NBL1: variants seen among roughly 807,000 people sequenced by gnomAD.
NBL1 encodes the protein neuroblastoma suppressor of tumorigenicity 1.
NBL1 carries 9 observed loss-of-function variants against 16.0 expected under a neutral mutation model. The observed-to-expected ratio is 0.56, with a 90% CI of 0.34 to 0.98. The LOEUF (loss-of-function observed/expected upper bound fraction) is 0.98. Ranked by LOEUF, NBL1 falls within the 50% of genes least tolerant of loss-of-function variation. The pLI, the probability that NBL1 is intolerant of heterozygous loss-of-function variation, is 0.02. For synonymous variants in NBL1, 86 were observed against 100.7 expected (o/e 0.85, Z 0.87); for missense variants, 196 against 243.1 (o/e 0.81, Z 1.29).
At chr1:19,646,404 A>G (rs778512381) in intron 1 of NBL1, among the ~76,000 whole-genome samples, 1 of 152,172 alleles carries the variant, frequency 6.6e-6, no homozygotes, top group Non-Finnish European at 1.5e-5. Context: ...CAGAAAGCCA[A>G]TGTATGAGCT....
intron 1 of NBL1, among the ~76,000 whole-genome samples, chr1:19,648,196 GAAGT>G (rs915524032): frequency 4.5e-4 from 69 of 152,126 alleles, no homozygotes; most frequent in African/African-American, 1.7e-3. Flanking sequence ...GAGTCAGGAA[GAAGT>G]AAGTGTTCCT....
rs1017937508 is a variant in NBL1 at position 19,644,356 on chromosome 1, C to T, written c.-110C>T. On this transcript the variant is annotated 5_prime_UTR_variant, in exon 1 of 4. Coordinates refer to ENST00000375136, the MANE Select transcript of NBL1 (RefSeq NM_005380.8). This position sits in a 1 kb window ranked among gnomAD's most constrained non-coding sequence, Gnocchi z 4.6. The stretch of plus-strand genomic sequence containing the variant: ...CCCAGCCGAGCGTCGCGGGGCCGCC[C>T]CCCGCCCTGCCGGCCGCCTCGCCGA... The T allele has an allele frequency of 4.0e-5, 39 of 978,364 alleles. No homozygotes were observed. Among genetic ancestry groups the T allele is most frequent in the Non-Finnish European group, 4.1e-5 (34 of 826,862 alleles). The allele number at this position is 978,364 out of a possible 1,614,324, so 60.6% of individuals were successfully genotyped here.
upstream of NBL1, chr1:19,643,427 G>A: frequency 1.2e-6 from 2 of 1,612,330 alleles, no homozygotes; most frequent in Middle Eastern, 1.6e-4. The surrounding 1 kb of genome is among the most constrained non-coding windows in gnomAD (Gnocchi z 4.7). Context: ...AAATCCCCAA[G>A]TCCTACAATC....
intron 1 of NBL1, among the ~76,000 whole-genome samples, chr1:19,647,903 G>A (rs372271081): frequency 0.082 from 9,759 of 119,296 alleles, 352 homozygotes; most frequent in African/African-American, 0.15. Context: ...GCGTGTGTGT[G>A]CGTGCTTGTG....
In NBL1 at chr1:19,648,049, C is replaced by T. The variant is rs2094995112; in HGVS notation, c.-20+3603C>T. The stretch of plus-strand genomic sequence containing the variant: ...TGGGTCTGGGGTGAGTGGATACACT[C>T]TACCTTGAAAATCCTGGTATATCTG... On this transcript the variant is annotated intron_variant, in intron 1 of 3. Transcript: ENST00000375136. Among the ~76,000 whole-genome samples the T allele has an allele frequency of 2.0e-5, 3 of 152,126 alleles. No homozygotes were observed. In the South Asian group the frequency reaches 6.2e-4, roughly 32 times the overall value.
intron 1 of NBL1, among the ~76,000 whole-genome samples, chr1:19,646,608 G>T (rs895215672): frequency 2.0e-5 from 3 of 152,148 alleles, no homozygotes; most frequent in Non-Finnish European, 4.4e-5. Flanking sequence ...CGATCGCCCC[G>T]CCCTTGCCAA....
At chr1:19,645,484 G>C (rs534217383) in intron 1 of NBL1, 3 of 995,038 alleles carry the variant, frequency 3.0e-6, no homozygotes, top group Admixed American at 5.5e-5. Flanking sequence ...CGCTCCCCAA[G>C]CTGGACGCCA....
chr1:19,647,854 TGTGTGTGTGTGC>T (rs1262820195), intron 1 of NBL1, among the ~76,000 whole-genome samples: 16 of 137,012 alleles, frequency 1.2e-4, no homozygotes, highest in African/African-American at 3.8e-4. Flanking sequence ...AGGCCTGGTG[TGTGTGTGTGTGC>T]GTGTGTGTGT....
intron 1 of NBL1, among the ~76,000 whole-genome samples, chr1:19,647,866 C>CGT (rs752424046): frequency 4.9e-4 from 48 of 97,816 alleles, no homozygotes; most frequent in South Asian, 1.3e-3. Flanking sequence ...TGTGTGTGTG[C>CGT]GTGTGTGTGT....
chr1:19,652,692 A>G (rs1006206521), intron 1 of NBL1, among the ~76,000 whole-genome samples: 1 of 152,160 alleles, frequency 6.6e-6, no homozygotes, highest in Non-Finnish European at 1.5e-5. Flanking sequence ...CACTTTATAA[A>G]GTACTTGGCT....
upstream of NBL1, chr1:19,644,233 C>G (rs3020595): frequency 0.23 from 223,795 of 978,736 alleles, 27,179 homozygotes; most frequent in East Asian, 0.51. This position sits in a 1 kb window ranked among gnomAD's most constrained non-coding sequence, Gnocchi z 4.6. Flanking sequence ...CCCCGCTGCC[C>G]CCGCCCTCGC....
At position 19,655,076 on chromosome 1, in the gene NBL1, C is replaced by T; in HGVS notation, c.46C>T (p.Leu16=). The T allele has an allele frequency of 6.2e-7, 1 of 1,613,028 alleles. No homozygotes were observed. Among genetic ancestry groups the T allele is most frequent in the South Asian group, 1.1e-5 (1 of 91,032 alleles). The change falls in exon 2 of 4, where the codon CTG becomes TTG. Residue 16 remains leucine, a synonymous_variant. Transcript: ENST00000375136. The part of the protein sequence containing the change: ...LVGAVLPAML[L]AAPPPINKLA... ...GGGGGCTGTCCTCCCTGCCATGCTACTGGCTGCCCCACCACCCATCAACAA... is the reference window on the plus strand; with the variant it reads ...GGGGGCTGTCCTCCCTGCCATGCTATTGGCTGCCCCACCACCCATCAACAA...
upstream of NBL1, chr1:19,643,615 G>A (rs2094960566): frequency 7.3e-7 from 1 of 1,375,132 alleles, no homozygotes; most frequent in Admixed American, 3.1e-5. The surrounding 1 kb of genome is among the most constrained non-coding windows in gnomAD (Gnocchi z 4.7). Flanking sequence ...CTCTTCCCAG[G>A]AGTCAGAGAA....
At chr1:19,653,245 C>T (rs1316689477) in intron 1 of NBL1, among the ~76,000 whole-genome samples, 2 of 142,668 alleles carry the variant, frequency 1.4e-5, no homozygotes, top group Non-Finnish European at 3.0e-5. Context: ...GAGATCGTGC[C>T]ACTGCACTCC....
At chr1:19,649,347 AATT>A (rs36030380) in intron 1 of NBL1, among the ~76,000 whole-genome samples, 14 of 148,646 alleles carry the variant, frequency 9.4e-5, no homozygotes, top group East Asian at 3.9e-4. Flanking sequence ...GCTGCCATAA[AATT>A]ATTATTATTA....
At chr1:19,649,457 C>T in intron 1 of NBL1, among the ~76,000 whole-genome samples, 1 of 152,032 alleles carries the variant, frequency 6.6e-6, no homozygotes. Flanking sequence ...CTCCCGGGTT[C>T]AAGTGATTCT....
At chr1:19,654,954 C>T in intron 1 of NBL1, 58 bp from the exon 2 acceptor site, 1 of 1,491,520 alleles carries the variant, frequency 6.7e-7, no homozygotes, top group South Asian at 1.4e-5. Flanking sequence ...GCTGTAACAC[C>T]ACTACCCGGC....
chr1:19,643,642 G>A, upstream of NBL1: 2 of 1,313,072 alleles, frequency 1.5e-6, no homozygotes, highest in Non-Finnish European at 2.0e-6. This position sits in a 1 kb window ranked among gnomAD's most constrained non-coding sequence, Gnocchi z 4.7. Context: ...TCATTTGCTG[G>A]CTTTTTAGTT....
intron 1 of NBL1, among the ~76,000 whole-genome samples, chr1:19,653,905 A>G (rs549283946): frequency 6.6e-6 from 1 of 151,796 alleles, no homozygotes; most frequent in African/African-American, 2.4e-5. Flanking sequence ...TTAGTATCTC[A>G]CTCCATCCTA....
Sources: allele counts gnomAD v4.1 joint callset (sites outside exome capture counted in the v4.1 genomes callset), GRCh38; gene constraint gnomAD v4.1.1; non-coding constraint Gnocchi (gnomAD v3.1); transcripts MANE v1.5; gene names NCBI Gene and HGNC (gene_info 2026-07-23, HGNC 2026-07-21).